The following PTGER3 variants were observed in gnomAD, a reference collection of about 807,000 sequenced individuals.
PTGER3 encodes prostaglandin E2 receptor EP3 subtype.
PTGER3 carries 22 observed loss-of-function variants against 34.7 expected under a neutral mutation model. The observed-to-expected ratio is 0.63, with a 90% CI of 0.45 to 0.91. The LOEUF is 0.91. Among genes scored for constraint, PTGER3 ranks in the 40% least tolerant of loss-of-function variants. The pLI is 0.00. For missense variants in PTGER3, 468 were observed against 519.4 expected (o/e 0.90, Z 0.96); for synonymous variants, 241 against 230.1 (o/e 1.05, Z -0.43).
chr1:71,021,843 G>A (rs926153321), intron 1 of PTGER3, among the ~76,000 whole-genome samples: 3 of 151,846 alleles, frequency 2.0e-5, no homozygotes, highest in Middle Eastern at 6.8e-3. Flanking sequence ...ATAGAGCACT[G>A]CTTAAACTAT....
At chr1:70,930,924 C>T (rs565518010) in intron 4 of PTGER3, among the ~76,000 whole-genome samples, 24 of 152,250 alleles carry the variant, frequency 1.6e-4, no homozygotes, top group Admixed American at 1.4e-3. Flanking sequence ...TCCCCTAAGT[C>T]TTAACCCATT....
chr1:70,948,094 A>G (rs1413698372), downstream of PTGER3, among the ~76,000 whole-genome samples: 1 of 152,164 alleles, frequency 6.6e-6, no homozygotes, highest in African/African-American at 2.4e-5. Flanking sequence ...TTCACTGCAT[A>G]GGGACAGTAA....
chr1:71,041,048 G>A (rs1344697515), intron 1 of PTGER3, among the ~76,000 whole-genome samples: 1 of 152,176 alleles, frequency 6.6e-6, no homozygotes, highest in Non-Finnish European at 1.5e-5. Flanking sequence ...GTCATATGCT[G>A]CCCAACTGTC....
intron 1 of PTGER3, among the ~76,000 whole-genome samples, chr1:71,014,625 CCA>C (rs1657731261): frequency 6.6e-6 from 1 of 152,106 alleles, no homozygotes; most frequent in Admixed American, 6.5e-5. Flanking sequence ...GGAGAAGAAC[CCA>C]CAGGTCTCTC....
At chr1:70,994,328 G>A (rs1490505411) in intron 2 of PTGER3, among the ~76,000 whole-genome samples, 6 of 152,158 alleles carry the variant, frequency 3.9e-5, no homozygotes, top group Admixed American at 3.9e-4. Flanking sequence ...GGAAAAAGAG[G>A]CATTGTGAAT....
chr1:70,896,573 G>A (rs1001170946), intron 4 of PTGER3, among the ~76,000 whole-genome samples: 8 of 152,124 alleles, frequency 5.3e-5, no homozygotes, highest in African/African-American at 1.9e-4. Flanking sequence ...CCCAGCTTGT[G>A]GTAAATTGTT....
intron 4 of PTGER3, among the ~76,000 whole-genome samples, chr1:70,907,594 A>T (rs1646975139): frequency 6.6e-6 from 1 of 152,206 alleles, no homozygotes; most frequent in Non-Finnish European, 1.5e-5. Flanking sequence ...CCAAGTCAGT[A>T]GTTTGGGCAG....
intron 4 of PTGER3, among the ~76,000 whole-genome samples, chr1:70,870,013 T>G (rs1646129059): frequency 6.6e-6 from 1 of 152,226 alleles, no homozygotes; most frequent in South Asian, 2.1e-4. Context: ...CTCTCTGCAC[T>G]ACTTGAATAG....
At chr1:71,045,589 C>A (rs1660693651) in intron 1 of PTGER3, among the ~76,000 whole-genome samples, 2 of 152,132 alleles carry the variant, frequency 1.3e-5, no homozygotes, top group African/African-American at 4.8e-5. Context: ...GACAAAAAAA[C>A]CTCAAAAATA....
intron 2 of PTGER3, chr1:71,005,750 C>T: frequency 5.4e-6 from 3 of 558,014 alleles, no homozygotes; most frequent in Non-Finnish European, 6.8e-6. Context: ...GGACATTTGG[C>T]CCCATGCCCT....
intron 4 of PTGER3, among the ~76,000 whole-genome samples, chr1:70,893,979 A>G (rs1646671846): frequency 6.6e-6 from 1 of 152,180 alleles, no homozygotes; most frequent in Admixed American, 6.5e-5. Context: ...AAGAACCACA[A>G]TTTGGTTTTG....
chr1:70,969,635 GC>G (rs1387046638), downstream of PTGER3, among the ~76,000 whole-genome samples: 2 of 152,122 alleles, frequency 1.3e-5, no homozygotes, highest in African/African-American at 4.8e-5. Context: ...AGTATTCAAG[GC>G]CTAAGGACAA....
At chr1:71,030,450 G>A (rs1027882910) in intron 1 of PTGER3, among the ~76,000 whole-genome samples, 1 of 152,124 alleles carries the variant, frequency 6.6e-6, no homozygotes. Context: ...CAAGCAAAAA[G>A]AATTCAATAT....
chr1:71,006,260 TTGGA>T (rs1282486011), intron 2 of PTGER3: 1 of 985,314 alleles, frequency 1.0e-6, no homozygotes, highest in African/African-American at 1.7e-5. Context: ...AGAATTCTCC[TTGGA>T]TATCTTTTCT....
At chr1:70,922,516 C>T (rs1180176634) in intron 4 of PTGER3, among the ~76,000 whole-genome samples, 1 of 152,096 alleles carries the variant, frequency 6.6e-6, no homozygotes, top group East Asian at 1.9e-4. Context: ...TGGAGTTAGC[C>T]ATGCCCACTA....
intron 2 of PTGER3, among the ~76,000 whole-genome samples, chr1:70,996,809 G>T (rs1449415581): frequency 6.6e-6 from 1 of 151,974 alleles, no homozygotes; most frequent in Non-Finnish European, 1.5e-5. Flanking sequence ...GACTACAGGC[G>T]CCCGCCACCG....
chr1:70,929,118 T>C (rs1031952812), intron 4 of PTGER3, among the ~76,000 whole-genome samples: 6 of 152,198 alleles, frequency 3.9e-5, no homozygotes, highest in African/African-American at 1.4e-4. Context: ...ATAGAAAACA[T>C]ATGACTTCTG....
intron 4 of PTGER3, among the ~76,000 whole-genome samples, chr1:70,853,573 CATT>C (rs1645729420): frequency 6.6e-6 from 1 of 152,014 alleles, no homozygotes; most frequent in Non-Finnish European, 1.5e-5. Flanking sequence ...GCCAAAGAAA[CATT>C]ATGAGTGATA....
chr1:70,993,869 T>A (rs1655689242), intron 2 of PTGER3, among the ~76,000 whole-genome samples: 1 of 152,332 alleles, frequency 6.6e-6, no homozygotes. Flanking sequence ...AATTTCTAAA[T>A]GTGAACAGAT....
Sources: allele counts gnomAD v4.1 joint callset (sites outside exome capture counted in the v4.1 genomes callset), GRCh38; gene constraint gnomAD v4.1.1; transcripts MANE v1.5; gene names NCBI Gene and HGNC (gene_info 2026-07-23, HGNC 2026-07-21).